Variants in CIT observed in about 807,000 individuals in gnomAD.
CIT encodes the protein citron rho-interacting serine/threonine kinase.
A neutral mutation model predicts 272.7 loss-of-function variants in CIT; 79 were observed. That is an observed-to-expected ratio of 0.29 (90% confidence interval 0.24 to 0.35). CIT has a LOEUF of 0.35. Among genes scored for constraint, CIT ranks in the 10% least tolerant of loss-of-function variants. The pLI is 1.00. For synonymous variants in CIT, 948 were observed against 995.6 expected, an observed-to-expected ratio of 0.95 and a Z score of 0.90; for missense variants, 1,909 against 2,618.3, an observed-to-expected ratio of 0.73 and a Z score of 5.91.
In CIT at chr12:119,710,433, A is replaced by C. The variant is rs1304764860; in HGVS notation, c.4936-47T>G. 4 of 1,613,340 alleles carry C rather than the reference A, an allele frequency of 2.5e-6. No homozygotes were observed. Among genetic ancestry groups the C allele is most frequent in the Non-Finnish European group, 3.4e-6 (4 of 1,179,634 alleles). On this transcript the variant is annotated intron_variant, in intron 38 of 47. Transcript: ENST00000392521. The surrounding 1 kb of genome is among the most constrained non-coding windows in gnomAD (Gnocchi z 5.6). ...GGCAGAACATAAGCACGGTCACGTC[A>C]CCAGAACAATCTCTAGTAAGAGCAA...
At chr12:119,869,443 G>A (rs1296816835) in intron 2 of CIT, among the ~76,000 whole-genome samples, 3 of 152,178 alleles carry the variant, frequency 2.0e-5, no homozygotes, top group Non-Finnish European at 2.9e-5. Context: ...CTGCACAAGC[G>A]TGGCCATTAA....
Position 119,690,228 on chromosome 12 carries a change from C to T in CIT, c.6109G>A (p.Gly2037Arg). 8 of 1,535,962 alleles carry T rather than the reference C, an allele frequency of 5.2e-6. No individual in the cohort carries two copies. The highest frequency in any genetic ancestry group is 6.9e-6 in the Non-Finnish European group (8 of 1,152,332). The change falls in exon 47 of 48, where the codon GGG becomes AGG. Residue 2037 changes from glycine to arginine, a missense_variant. Around this residue, in one of 8 missense-constraint regions of CIT, gnomAD observed 780 missense variants for 1,067.2 expected, o/e 0.73. Coordinates refer to ENST00000392521, the MANE Select transcript of CIT (RefSeq NM_001206999.2). The surrounding 1 kb of genome is among the most constrained non-coding windows in gnomAD (Gnocchi z 6.0). ...CTGCTGCTGTCTTCAAACAGCCTCC[C>T]GGGGGACCGCTCTCTCCGCGTGCTG... ...MLSTRRERSP[G>R]RLFEDSSRGR...
rs751470275 is a variant in CIT, at chr12:119,770,883, C to T, written c.2110G>A (p.Val704Ile). The T allele has an allele frequency of 1.2e-6, 2 of 1,612,834 alleles. No homozygotes were observed. Among genetic ancestry groups the T allele is most frequent in the Non-Finnish European group, 1.7e-6 (2 of 1,179,872 alleles). Residue 704 changes from valine (V) to isoleucine (I), a missense_variant, in exon 18 of 48, where the codon GTA becomes ATA. Physicochemically the swap from Val to Ile is conservative, Grantham distance 29 (BLOSUM62 3). Transcript: ENST00000392521. This position sits in a 1 kb window ranked among gnomAD's most constrained non-coding sequence, Gnocchi z 4.4. Reference sequence around the variant, plus strand: ...CGCTCCATGGTCTCTAGTCTCTTTACCTTGTTCTCCAGAGAATGGCGGCGT... The same window carrying T: ...CGCTCCATGGTCTCTAGTCTCTTTATCTTGTTCTCCAGAGAATGGCGGCGT... ...EERRHSLENK[V>I]KRLETMERRE...
At position 119,803,295 on chromosome 12, in the gene CIT, G is replaced by A. The variant is rs1966363859; in HGVS notation, c.1206C>T (p.Cys402=). The A allele has an allele frequency of 1.9e-6, 3 of 1,610,442 alleles. No individual in the cohort carries two copies. The highest frequency in any genetic ancestry group is 2.7e-5 in the African/African-American group (2 of 74,502). Residue 402 remains cysteine, a synonymous_variant, in exon 10 of 48, where the codon TGC becomes TGT. Transcript: ENST00000392521. The part of the protein sequence containing the change: ...EKNSWVSSSP[C]QLSPSGFSGE... The stretch of plus-strand genomic sequence containing the variant: ...CCGAGAAGCCTGAGGGGCTCAGCTG[G>A]CACGGAGAGGATGAAACCCACGAAT...
chr12:119,783,142 C>T (rs1240647948), intron 12 of CIT: 2 of 152,424 alleles, frequency 1.3e-5, no homozygotes, highest in African/African-American at 4.8e-5. Context: ...ATAAGAATCC[C>T]TTAATGCTTC....
intron 44 of CIT, 63 bp downstream of exon 44, chr12:119,700,682 C>T (rs778479336): frequency 1.6e-6 from 2 of 1,265,928 alleles, no homozygotes; most frequent in Admixed American, 1.8e-5. Flanking sequence ...CACCCGGATG[C>T]AATTCTTTTC....
At position 119,876,210 on chromosome 12, in the gene CIT, G is replaced by C. The variant is rs763140274; in HGVS notation, c.-13-29C>G. Reference sequence around the variant, plus strand: ...AAAGGATATCAGAAAAGTCAAGTGTGTCCTATGTTTTGAGCAGGAAGGGCC... The same window carrying C: ...AAAGGATATCAGAAAAGTCAAGTGTCTCCTATGTTTTGAGCAGGAAGGGCC... On this transcript the variant is annotated intron_variant, in intron 1 of 47. Coordinates refer to ENST00000392521, the MANE Select transcript of CIT (RefSeq NM_001206999.2). 13 of 1,459,806 alleles carry C rather than the reference G, an allele frequency of 8.9e-6. No homozygotes were observed. In the African/African-American group the frequency reaches 1.7e-4, roughly 19 times the overall value. 90.4% of individuals were successfully genotyped at this position (1,459,806 alleles called of 1,614,324 possible).
chr12:119,797,048 T>G (rs1051845611), intron 10 of CIT, among the ~76,000 whole-genome samples: 1 of 152,052 alleles, frequency 6.6e-6, no homozygotes, highest in Non-Finnish European at 1.5e-5. Context: ...GGTCAGGAGA[T>G]GAACAGCAAG....
At position 119,735,265 on chromosome 12, in the gene CIT, A is replaced by G. The variant is rs754102823; in HGVS notation, c.3051T>C (p.Asp1017=). ...NQNFYLSKQL[D]EASGANDEIV... ...TCTCGTCGTTGGCGCCAGAAGCCTC[A>G]TCGAGTTGTTTGGACAAGTAGAAGT... The change falls in exon 25 of 48, where the codon GAT becomes GAC. Residue 1017 remains aspartate (D), a synonymous_variant. Coordinates refer to ENST00000392521, the MANE Select transcript of CIT (RefSeq NM_001206999.2). 10 of 1,614,158 alleles carry G rather than the reference A, an allele frequency of 6.2e-6. No homozygotes were observed. The highest frequency in any genetic ancestry group is 4.4e-5 in the South Asian group (4 of 91,080).
Position 119,718,910 on chromosome 12 carries a change from G to A in CIT, c.3841-49C>T. 1 of 1,587,586 alleles carries A rather than the reference G, an allele frequency of 6.3e-7. No individual in the cohort carries two copies. The highest frequency in any genetic ancestry group is 8.6e-7 in the Non-Finnish European group (1 of 1,158,368). ...TCCTAACTCCTGGAAACTGGCACTT[G>A]AAACTAGCTAAAGGAAATCTGACTC... On this transcript the variant is annotated intron_variant, in intron 30 of 47. Coordinates refer to ENST00000392521, the MANE Select transcript of CIT (RefSeq NM_001206999.2). The surrounding 1 kb of genome is among the most constrained non-coding windows in gnomAD (Gnocchi z 4.8).
chr12:119,836,853 T>G (rs1398574712), intron 5 of CIT, among the ~76,000 whole-genome samples: 2 of 152,188 alleles, frequency 1.3e-5, no homozygotes, highest in Non-Finnish European at 2.9e-5. Flanking sequence ...AGTAAAATAG[T>G]TCAGAAAACA....
chr12:119,787,323 T>G (rs371626072), intron 10 of CIT, among the ~76,000 whole-genome samples: 20 of 151,752 alleles, frequency 1.3e-4, no homozygotes, highest in African/African-American at 4.6e-4. Flanking sequence ...CCCAGCTACG[T>G]GGGAGGCTGG....
Position 119,825,337 on chromosome 12 carries a change from T to C in CIT, c.785A>G (p.Asp262Gly), listed in dbSNP as rs1251479038. 3.7e-6 allele frequency: 6 copies of C among 1,613,958 alleles called. No homozygotes were observed. The East Asian group carries it at 8.9e-5, about 24-fold the overall frequency. Residue 262 changes from aspartate to glycine, a missense_variant, in exon 8 of 48, where the codon GAT becomes GGT. Around this residue, in one of 8 missense-constraint regions of CIT, gnomAD observed 529 missense variants for 549.6 expected, o/e 0.96. Transcript: ENST00000392521. ...AGTCAGCACTTCAGGAGCCATGTAA[T>C]CTGGGGTCCCAATCGGGAGTTTGGC... ...VNAKLPIGTP[D>G]YMAPEVLTVM...
Position 119,803,331 on chromosome 12 carries a change from T to A in CIT, c.1170A>T (p.Glu390Asp). ...ATGAAACCCACGAATTCTTCTCTGG[T>A]TCATCAAAATTGGAGGTGTCATCGT... is the stretch of plus-strand genomic sequence containing the variant. ...KSDDDTSNFDEPEKNSWVSSS... is the reference protein window; with the variant it reads ...KSDDDTSNFDDPEKNSWVSSS... Residue 390 changes from glutamate to aspartate, a missense_variant, in exon 10 of 48, where the codon GAA becomes GAT. This residue lies in a region of CIT where 529 missense variants were observed against 549.6 expected (regional missense o/e 0.96). Coordinates refer to ENST00000392521, the MANE Select transcript of CIT (RefSeq NM_001206999.2). 1 of 1,605,464 alleles carries A rather than the reference T, an allele frequency of 6.2e-7. No individual in the cohort carries two copies. Among genetic ancestry groups the A allele is most frequent in the Non-Finnish European group, 8.5e-7 (1 of 1,175,972 alleles).
chr12:119,690,901 C>T lies in CIT; in HGVS notation c.5883-447G>A, dbSNP rs560294796. On this transcript the variant is annotated intron_variant, in intron 46 of 47. Coordinates refer to ENST00000392521, the MANE Select transcript of CIT (RefSeq NM_001206999.2). The surrounding 1 kb of genome is among the most constrained non-coding windows in gnomAD (Gnocchi z 6.0). ...AAAGACCAGTTTGATAGGCCAGGCG[C>T]AGTGGCGCACACCTGTAATCCCAGC... 1.2e-4 allele frequency among the ~76,000 whole-genome samples: 18 copies of T among 152,332 alleles called. No individual in the cohort carries two copies. The highest frequency in any genetic ancestry group is 4.3e-4 in the African/African-American group (18 of 41,578).
At chr12:119,774,830 T>G (rs2137621658) in intron 16 of CIT, among the ~76,000 whole-genome samples, 1 of 151,870 alleles carries the variant, frequency 6.6e-6, no homozygotes, top group South Asian at 2.1e-4. Context: ...GAAAATCAGC[T>G]GGGTGTAGTG....
chr12:119,757,265 A>T, intron 22 of CIT, 106 bp downstream of exon 22: 1 of 1,414,396 alleles, frequency 7.1e-7, no homozygotes, highest in Non-Finnish European at 9.7e-7. Flanking sequence ...CTTAACCACC[A>T]AGCACAATGT....
chr12:119,779,407 T>C (rs550223099), intron 13 of CIT, among the ~76,000 whole-genome samples: 2 of 152,334 alleles, frequency 1.3e-5, no homozygotes, highest in Non-Finnish European at 2.9e-5. Flanking sequence ...TGTGCTCCTA[T>C]AAATACAAAA....
chr12:119,841,248 C>T (rs1458246730), intron 5 of CIT, among the ~76,000 whole-genome samples: 1 of 151,062 alleles, frequency 6.6e-6, no homozygotes, highest in Non-Finnish European at 1.5e-5. Flanking sequence ...CATCTTGGCT[C>T]ACTGCAACCT....
Sources: allele counts gnomAD v4.1 joint callset (sites outside exome capture counted in the v4.1 genomes callset), GRCh38; gene constraint gnomAD v4.1.1; regional missense constraint gnomAD v4.1.1; non-coding constraint Gnocchi (gnomAD v3.1); transcripts MANE v1.5; gene names NCBI Gene and HGNC (gene_info 2026-07-23, HGNC 2026-07-21).